SEPTIN9: variants seen among roughly 807,000 people sequenced by gnomAD.
SEPTIN9 encodes septin 9.
Under a neutral mutation model 56.6 loss-of-function variants are expected in SEPTIN9, and 13 were observed. The observed-to-expected ratio is 0.23, with a 90% CI of 0.15 to 0.37. The LOEUF is 0.37. SEPTIN9 is among the 10% of genes least tolerant of loss of function. The probability of loss-of-function intolerance (pLI) is 1.00; values close to 1 mark genes in which losing one functional copy is unlikely to be tolerated. For synonymous variants in SEPTIN9, 332 were observed against 334.1 expected (o/e 0.99, Z 0.07); for missense variants, 650 against 823.1 (o/e 0.79, Z 2.57).
chr17:77,460,439 CTT>C (rs1328524870), intron 3 of SEPTIN9, among the ~76,000 whole-genome samples: 1 of 152,164 alleles, frequency 6.6e-6, no homozygotes, highest in Admixed American at 6.5e-5. Context: ...TATCATTAAA[CTT>C]GAGCAGTCCA....
At chr17:77,471,965 C>T (rs542421987) in intron 3 of SEPTIN9, among the ~76,000 whole-genome samples, 3 of 147,996 alleles carry the variant, frequency 2.0e-5, no homozygotes, top group Non-Finnish European at 2.9e-5. Context: ...ATAAAATAGC[C>T]CCCCCCACCA....
rs2038723736 is a variant in SEPTIN9, at chr17:77,466,315, A to G, written c.722-15829A>G. On this transcript the variant is annotated intron_variant, in intron 3 of 11. Coordinates refer to ENST00000427177, the MANE Select transcript of SEPTIN9 (RefSeq NM_001113491.2). ...GGGCCCAGTGGGCGCAGCCTCAGGA[A>G]AGTGGTCAGGCCCGGGCCAGGCCCC... 3.4e-6 allele frequency: 3 copies of G among 885,588 alleles called. No individual in the cohort carries two copies. The African/African-American group carries it at 5.4e-5, about 16-fold the overall frequency. 54.9% of individuals were successfully genotyped at this position (885,588 alleles called of 1,614,324 possible). A position where few individuals can be genotyped will look rare whatever the true frequency, so the allele number is the denominator to read the frequency against.
chr17:77,495,225 C>T (rs879802546), intron 10 of SEPTIN9, among the ~76,000 whole-genome samples: 85 of 152,300 alleles, frequency 5.6e-4, no homozygotes, highest in Admixed American at 9.8e-4. Flanking sequence ...TTGTTGAGCA[C>T]CACTGGCTCC....
chr17:77,366,131 T>C (rs984516591), intron 2 of SEPTIN9, among the ~76,000 whole-genome samples: 2 of 152,146 alleles, frequency 1.3e-5, no homozygotes, highest in South Asian at 2.1e-4. Flanking sequence ...CACTGGCTGC[T>C]TTGAGGCTGG....
At position 77,307,193 on chromosome 17, in the gene SEPTIN9, C is replaced by T. The variant is rs752472022; in HGVS notation, c.72C>T (p.Gly24=). 6 of 1,613,630 alleles carry T rather than the reference C, an allele frequency of 3.7e-6. No homozygotes were observed. In the South Asian group the frequency reaches 6.6e-5, roughly 18 times the overall value. Residue 24 remains glycine, a synonymous_variant, in exon 2 of 12, where the codon GGC becomes GGT. Coordinates refer to ENST00000427177, the MANE Select transcript of SEPTIN9 (RefSeq NM_001113491.2). The part of the protein sequence containing the change: ...GRLRRLGDSS[G]PALKRSFEVE... ...TCCGGAGGCTTGGTGACTCCAGTGG[C>T]CCAGGTAGGTGGCTCGCTCCGCTCT...
intron 3 of SEPTIN9, chr17:77,447,092 ATGCTTTCTGTC>A (rs2037770267): frequency 3.0e-5 from 5 of 167,104 alleles, no homozygotes. Flanking sequence ...AGCCACCAGA[ATGCTTTCTGTC>A]TCCATAAATT....
At chr17:77,394,282 C>A (rs1294418110) in intron 2 of SEPTIN9, among the ~76,000 whole-genome samples, 1 of 152,232 alleles carries the variant, frequency 6.6e-6, no homozygotes, top group Admixed American at 6.5e-5. Context: ...TGCTGCTGGA[C>A]TCACTCTGTA....
intron 3 of SEPTIN9, among the ~76,000 whole-genome samples, chr17:77,406,017 C>T (rs1005699662): frequency 2.6e-5 from 4 of 152,236 alleles, no homozygotes; most frequent in African/African-American, 9.6e-5. Flanking sequence ...AGCCCCTTGG[C>T]TTCTGCCTGC....
chr17:77,444,106 T>C (rs1246293954), intron 3 of SEPTIN9, among the ~76,000 whole-genome samples: 7 of 151,972 alleles, frequency 4.6e-5, no homozygotes, highest in Admixed American at 4.6e-4. Context: ...TTAGGTGGGG[T>C]TTGCGAGACA....
intron 3 of SEPTIN9, among the ~76,000 whole-genome samples, chr17:77,422,143 C>T (rs542324533): frequency 1.3e-5 from 2 of 152,342 alleles, no homozygotes; most frequent in African/African-American, 4.8e-5. Context: ...CAGGCATGAG[C>T]CATTGTGCTC....
intron 3 of SEPTIN9, among the ~76,000 whole-genome samples, chr17:77,440,269 C>G (rs1195606313): frequency 4.6e-5 from 7 of 152,162 alleles, no homozygotes; most frequent in Non-Finnish European, 8.8e-5. Flanking sequence ...AGTCTCCTGC[C>G]TCAGCCTCCT....
chr17:77,418,998 T>A (rs577751637), intron 3 of SEPTIN9, among the ~76,000 whole-genome samples: 24 of 152,302 alleles, frequency 1.6e-4, no homozygotes, highest in Admixed American at 1.4e-3. Context: ...GCCCATACCC[T>A]GGCCTCCCAA....
rs2035857449 is a variant in SEPTIN9 at position 77,400,304 on chromosome 17, C to T, written c.77-1755C>T. Among the ~76,000 whole-genome samples the T allele has an allele frequency of 1.3e-5, 2 of 152,324 alleles. No individual in the cohort carries two copies. The highest frequency in any genetic ancestry group is 4.8e-5 in the African/African-American group (2 of 41,562). On this transcript the variant is annotated intron_variant, in intron 2 of 11. Coordinates refer to ENST00000427177, the MANE Select transcript of SEPTIN9 (RefSeq NM_001113491.2). This position sits in a 1 kb window ranked among gnomAD's most constrained non-coding sequence, Gnocchi z 4.1. ...TGAGAAGTGAACAGCTCTGGCCACG[C>T]CGGGCCCATATCCTCTAGGGCAGTG...
chr17:77,357,300 T>C (rs2034286540), intron 2 of SEPTIN9, among the ~76,000 whole-genome samples: 1 of 152,152 alleles, frequency 6.6e-6, no homozygotes, highest in Non-Finnish European at 1.5e-5. Flanking sequence ...GCATGGTGTT[T>C]TGGGGTCTGC....
Position 77,327,996 on chromosome 17 carries a change from A to G in SEPTIN9, c.76+20799A>G, listed in dbSNP as rs1305490971. Among the ~76,000 whole-genome samples the G allele has an allele frequency of 6.6e-6, 1 of 151,580 alleles. No individual in the cohort carries two copies. Among genetic ancestry groups the G allele is most frequent in the Admixed American group, 6.6e-5 (1 of 15,262 alleles). On this transcript the variant is annotated intron_variant, in intron 2 of 11. Transcript: ENST00000427177. This position sits in a 1 kb window ranked among gnomAD's most constrained non-coding sequence, Gnocchi z 5.0. The stretch of plus-strand genomic sequence containing the variant: ...CTGTATCCAGGGCATCCCCATGCCC[A>G]GGGTGTCCCCGTGCCTAGTGTGTCC...
chr17:77,481,769 C>A (rs2039466075), intron 3 of SEPTIN9: 2 of 262,452 alleles, frequency 7.6e-6, no homozygotes, highest in Non-Finnish European at 1.5e-5. Flanking sequence ...GAGGAGAGCA[C>A]CCTCCACCCT....
chr17:77,473,881 A>T (rs1334767505), intron 3 of SEPTIN9, among the ~76,000 whole-genome samples: 1 of 151,656 alleles, frequency 6.6e-6, no homozygotes, highest in Non-Finnish European at 1.5e-5. Context: ...GTCCACTAGG[A>T]CCCCAGGATC....
intron 10 of SEPTIN9, 120 bp downstream of exon 10, chr17:77,493,196 C>T (rs2040110349): frequency 1.3e-6 from 1 of 750,000 alleles, no homozygotes; most frequent in East Asian, 2.8e-5. Context: ...TGCCTTGCCC[C>T]ACCCAGAGGG....
rs1052815333 is a variant in SEPTIN9, at chr17:77,421,039, C to T, written c.721+18336C>T. On this transcript the variant is annotated intron_variant, in intron 3 of 11. Coordinates refer to ENST00000427177, the MANE Select transcript of SEPTIN9 (RefSeq NM_001113491.2). The surrounding 1 kb of genome is among the most constrained non-coding windows in gnomAD (Gnocchi z 4.6). Reference sequence around the variant, plus strand: ...CCTGGCTGCTGAGCTGTCCTGGAGACGGGGTACTGTGCAGTGGTCGGGGTA... The same window carrying T: ...CCTGGCTGCTGAGCTGTCCTGGAGATGGGGTACTGTGCAGTGGTCGGGGTA... Among the ~76,000 whole-genome samples, 9 of 152,154 alleles carry T rather than the reference C, an allele frequency of 5.9e-5. No individual in the cohort carries two copies. Among genetic ancestry groups the T allele is most frequent in the Non-Finnish European group, 1.0e-4 (7 of 68,030 alleles).
Sources: allele counts gnomAD v4.1 joint callset (sites outside exome capture counted in the v4.1 genomes callset), GRCh38; gene constraint gnomAD v4.1.1; non-coding constraint Gnocchi (gnomAD v3.1); transcripts MANE v1.5; gene names NCBI Gene and HGNC (gene_info 2026-07-23, HGNC 2026-07-21).